The following THSD7B variants were observed in gnomAD, a reference collection of about 807,000 sequenced individuals.
The protein encoded by THSD7B is thrombospondin type 1 domain containing 7B.
In THSD7B, 138 loss-of-function variants were observed where a neutral mutation model predicts 213.6. The observed-to-expected ratio is 0.65, with a 90% CI of 0.56 to 0.74. THSD7B has a LOEUF of 0.74. Among genes scored for constraint, THSD7B ranks in the 30% least tolerant of loss-of-function variants. The pLI is 0.00. For synonymous variants in THSD7B, 742 were observed against 687.0 expected (o/e 1.08, Z -1.25); for missense variants, 1,931 against 1,991.5 (o/e 0.97, Z 0.58).
intron 14 of THSD7B, among the ~76,000 whole-genome samples, chr2:137,416,843 T>A (rs1227822051): frequency 1.3e-5 from 2 of 152,220 alleles, no homozygotes; most frequent in East Asian, 3.8e-4. Flanking sequence ...GGAAATGAAA[T>A]TACATTGCTG....
At chr2:137,352,500 C>T (rs1245975644) in intron 12 of THSD7B, among the ~76,000 whole-genome samples, 1 of 151,996 alleles carries the variant, frequency 6.6e-6, no homozygotes, top group East Asian at 1.9e-4. Flanking sequence ...TCCTCCTGGC[C>T]TTATAGACTC....
intron 12 of THSD7B, 98 bp from the exon 13 acceptor site, chr2:137,405,515 A>G (rs1019758063): frequency 1.6e-5 from 19 of 1,218,128 alleles, no homozygotes; most frequent in African/African-American, 3.1e-5. Flanking sequence ...GTGAAGCCCA[A>G]GTTTTTAAAC....
intron 1 of THSD7B, among the ~76,000 whole-genome samples, chr2:136,786,859 A>C (rs1024094286): frequency 4.6e-5 from 7 of 152,220 alleles, no homozygotes; most frequent in African/African-American, 1.4e-4. Context: ...TTTAAAATAC[A>C]GAAAGCTATT....
chr2:137,634,688 G>C (rs1314434539), intron 20 of THSD7B, among the ~76,000 whole-genome samples: 1 of 152,166 alleles, frequency 6.6e-6, no homozygotes, highest in Non-Finnish European at 1.5e-5. Flanking sequence ...ACTTTGATTG[G>C]AAAGTATAGT....
chr2:137,034,297 G>A (rs188829768), intron 2 of THSD7B, among the ~76,000 whole-genome samples: 1 of 151,980 alleles, frequency 6.6e-6, no homozygotes, highest in Non-Finnish European at 1.5e-5. Context: ...GTAGAGACGG[G>A]GTTTCACCAT....
chr2:137,324,341 C>T (rs753800099), intron 12 of THSD7B, among the ~76,000 whole-genome samples: 1 of 152,116 alleles, frequency 6.6e-6, no homozygotes, highest in African/African-American at 2.4e-5. Flanking sequence ...TATCTCTTCC[C>T]TGAGTTATAT....
At chr2:136,950,282 T>C (rs1259277357) in intron 2 of THSD7B, among the ~76,000 whole-genome samples, 1 of 147,224 alleles carries the variant, frequency 6.8e-6, no homozygotes, top group Non-Finnish European at 1.5e-5. Context: ...AAAATAAAAA[T>C]AAATAAAAAT....
chr2:137,437,298 C>T (rs757745091), intron 14 of THSD7B, among the ~76,000 whole-genome samples: 8 of 152,116 alleles, frequency 5.3e-5, no homozygotes, highest in Non-Finnish European at 1.0e-4. Context: ...ATGATGTTGT[C>T]TCCCACTCCC....
chr2:137,336,356 G>A (rs1444046772), intron 12 of THSD7B, among the ~76,000 whole-genome samples: 1 of 152,138 alleles, frequency 6.6e-6, no homozygotes, highest in Non-Finnish European at 1.5e-5. Context: ...CTCCACCTGA[G>A]CTCACGTAAG....
chr2:137,328,646 TG>T (rs1293003134), intron 12 of THSD7B, among the ~76,000 whole-genome samples: 1 of 152,206 alleles, frequency 6.6e-6, no homozygotes, highest in African/African-American at 2.4e-5. Context: ...TTCTCTGATA[TG>T]GTTTGGCTGT....
chr2:137,408,989 G>A (rs1686589545), intron 13 of THSD7B, among the ~76,000 whole-genome samples: 1 of 152,174 alleles, frequency 6.6e-6, no homozygotes, highest in Non-Finnish European at 1.5e-5. Flanking sequence ...TCTGAAAGAG[G>A]CTCACTATGA....
At chr2:136,940,184 C>T (rs1346737) in intron 2 of THSD7B, among the ~76,000 whole-genome samples, 1 of 151,854 alleles carries the variant, frequency 6.6e-6, no homozygotes, top group African/African-American at 2.4e-5. Flanking sequence ...ACCCTCCAAC[C>T]CTTCCTAATC....
chr2:137,397,231 T>C lies in THSD7B; in HGVS notation c.2501-8382T>C, dbSNP rs538621696. 6.1e-4 allele frequency among the ~76,000 whole-genome samples: 93 copies of C among 152,096 alleles called. 1 individual carries two copies. Among genetic ancestry groups the C allele is most frequent in the Middle Eastern group, 6.8e-3 (2 of 294 alleles). ...TATGATGTTAGCTGGTGATTTTGCT[T>C]GTTAGTTGATGCAGTTTCTTCCTAG... is the stretch of plus-strand genomic sequence containing the variant. On this transcript the variant is annotated intron_variant, in intron 12 of 27. Coordinates refer to ENST00000409968, the MANE Select transcript of THSD7B (RefSeq NM_001316349.2).
rs977087502 is a variant in THSD7B, at chr2:137,394,595, T to C, written c.2501-11018T>C. 4.4e-5 allele frequency among the ~76,000 whole-genome samples: 6 copies of C among 136,680 alleles called. 1 individual carries two copies. Among genetic ancestry groups the C allele is most frequent in the Non-Finnish European group, 8.1e-5 (5 of 61,872 alleles). The allele number at this position is 136,680 out of a possible 152,430, so 89.7% of individuals were successfully genotyped here. On this transcript the variant is annotated intron_variant, in intron 12 of 27. Coordinates refer to ENST00000409968, the MANE Select transcript of THSD7B (RefSeq NM_001316349.2). ...TAGTATAGTTTGAAGTCAGGTAGTG[T>C]GATGCCTCCAGCTTTGTTCTTTTGG...
chr2:137,248,722 G>A (rs1223648087), intron 10 of THSD7B, among the ~76,000 whole-genome samples: 1 of 152,030 alleles, frequency 6.6e-6, no homozygotes, highest in East Asian at 1.9e-4. Context: ...AATAATAGAG[G>A]GTCTGCTGTG....
intron 5 of THSD7B, among the ~76,000 whole-genome samples, chr2:137,139,886 T>G (rs1679546932): frequency 6.6e-6 from 1 of 152,194 alleles, no homozygotes; most frequent in African/African-American, 2.4e-5. Flanking sequence ...TTATGATATT[T>G]TATATCAATG....
intron 1 of THSD7B, among the ~76,000 whole-genome samples, chr2:136,871,460 A>G (rs1187265146): frequency 6.6e-6 from 1 of 152,146 alleles, no homozygotes; most frequent in Non-Finnish European, 1.5e-5. Flanking sequence ...GAGAGAAATA[A>G]GACAAATTGA....
Position 137,222,349 on chromosome 2 carries a change from T to A in THSD7B, c.1724-8695T>A, listed in dbSNP as rs542386030. 1.6e-4 allele frequency among the ~76,000 whole-genome samples: 24 copies of A among 152,312 alleles called. No individual in the cohort carries two copies. The South Asian group carries it at 5.0e-3, about 32-fold the overall frequency. On this transcript the variant is annotated intron_variant, in intron 7 of 27. Transcript: ENST00000409968. ...CCAGACGTCCCAACTACTCATCAAC[T>A]ATTCTGTCCATTATAATGCACTGTT...
intron 5 of THSD7B, among the ~76,000 whole-genome samples, chr2:137,147,952 A>G (rs1270973195): frequency 6.6e-6 from 1 of 152,042 alleles, no homozygotes; most frequent in African/African-American, 2.4e-5. Flanking sequence ...TTCTTAATTG[A>G]TAAGAAGAAA....
Sources: allele counts gnomAD v4.1 joint callset (sites outside exome capture counted in the v4.1 genomes callset), GRCh38; gene constraint gnomAD v4.1.1; transcripts MANE v1.5; gene names NCBI Gene and HGNC (gene_info 2026-07-23, HGNC 2026-07-21).